Variants in DOCK3 observed in about 807,000 individuals in gnomAD.
DOCK3 encodes dedicator of cytokinesis 3.
DOCK3 carries 60 observed loss-of-function variants against 265.6 expected under a neutral mutation model. That is an observed-to-expected ratio of 0.23 (90% CI 0.18 to 0.28). DOCK3 has a LOEUF of 0.28. Among genes scored for constraint, DOCK3 ranks in the 10% least tolerant of loss-of-function variants. The pLI is 1.00. For missense variants in DOCK3, 1,981 were observed against 2,594.3 expected, an observed-to-expected ratio of 0.76 and a Z score of 5.14; for synonymous variants, 881 against 938.0, an observed-to-expected ratio of 0.94 and a Z score of 1.11.
rs184409684 is a variant in DOCK3, at chr3:50,874,580, C to G, written c.163-15446C>G. On this transcript the variant is annotated intron_variant, in intron 3 of 52. Transcript: ENST00000266037. ...ATATTAATTATTCCAATCCATGAAT[C>G]TGGCATACCTTTCCATTTATTTTGT... Among the ~76,000 whole-genome samples, 603 of 151,224 alleles carry G rather than the reference C, an allele frequency of 4.0e-3. 4 individuals are homozygous for G. The highest frequency in any genetic ancestry group is 6.9e-3 in the Non-Finnish European group (467 of 67,852).
intron 9 of DOCK3, among the ~76,000 whole-genome samples, chr3:51,090,877 A>T (rs1042436188): frequency 6.6e-6 from 1 of 152,206 alleles, no homozygotes; most frequent in African/African-American, 2.4e-5. Flanking sequence ...TTCTTGTGTT[A>T]GGAGTGCTTT....
At chr3:51,336,129 A>G (rs1272513092) in intron 35 of DOCK3, among the ~76,000 whole-genome samples, 2 of 152,218 alleles carry the variant, frequency 1.3e-5, no homozygotes, top group Non-Finnish European at 2.9e-5. Flanking sequence ...TAATCAATAG[A>G]TTGTACTCTA....
At chr3:51,274,736 A>T (rs2080717187) in intron 24 of DOCK3, among the ~76,000 whole-genome samples, 1 of 152,150 alleles carries the variant, frequency 6.6e-6, no homozygotes, top group African/African-American at 2.4e-5. Context: ...AGCCATGATT[A>T]TGCCCCTGCA....
At chr3:50,705,973 G>GTAAGTT (rs772498263) in intron 1 of DOCK3, among the ~76,000 whole-genome samples, 6 of 152,006 alleles carry the variant, frequency 3.9e-5, no homozygotes, top group Admixed American at 3.9e-4. Context: ...AGAGGTTGCA[G>GTAAGTT]TAAGCCAAGA....
At chr3:50,951,082 G>A (rs1442017101) in intron 5 of DOCK3, among the ~76,000 whole-genome samples, 1 of 151,994 alleles carries the variant, frequency 6.6e-6, no homozygotes, top group Admixed American at 6.6e-5. Flanking sequence ...TTAAGAAGTA[G>A]CCCTCATTTA....
At chr3:51,275,261 C>T in intron 25 of DOCK3, 55 bp downstream of exon 25, 1 of 1,607,712 alleles carries the variant, frequency 6.2e-7, no homozygotes, top group East Asian at 2.2e-5. Context: ...TCTTGTGTTA[C>T]TTTAGCCAGA....
chr3:51,084,141 G>A (rs990546462), intron 7 of DOCK3, among the ~76,000 whole-genome samples: 4 of 151,996 alleles, frequency 2.6e-5, no homozygotes, highest in Admixed American at 6.5e-5. Context: ...ACAAGGAGAA[G>A]GCATGGGCAA....
intron 32 of DOCK3, among the ~76,000 whole-genome samples, chr3:51,322,599 T>C (rs949527687): frequency 1.3e-5 from 2 of 152,142 alleles, no homozygotes; most frequent in South Asian, 4.1e-4. Flanking sequence ...GACAAGCACA[T>C]GTGGAGAGAT....
chr3:51,248,136 T>C (rs531038537), intron 22 of DOCK3, among the ~76,000 whole-genome samples: 1 of 152,274 alleles, frequency 6.6e-6, no homozygotes, highest in East Asian at 1.9e-4. Context: ...TAGGGCTTCA[T>C]AGTACTTTCA....
intron 5 of DOCK3, among the ~76,000 whole-genome samples, chr3:50,979,226 A>G (rs1480709823): frequency 6.6e-6 from 1 of 152,136 alleles, no homozygotes; most frequent in East Asian, 1.9e-4. Flanking sequence ...AGTGTTTTGT[A>G]GTTTCCTTGT....
intron 2 of DOCK3, among the ~76,000 whole-genome samples, chr3:50,838,559 T>A (rs2045645820): frequency 2.6e-5 from 4 of 152,234 alleles, no homozygotes; most frequent in Admixed American, 2.6e-4. Flanking sequence ...GGAGTTTCAC[T>A]TTCTTTGCTA....
chr3:51,339,925 T>C (rs979128198), intron 37 of DOCK3, among the ~76,000 whole-genome samples: 2 of 152,178 alleles, frequency 1.3e-5, no homozygotes, highest in Non-Finnish European at 2.9e-5. Context: ...CTCTAGCCGT[T>C]AGAGAGTGTT....
intron 9 of DOCK3, among the ~76,000 whole-genome samples, chr3:51,137,622 G>A (rs1320604458): frequency 6.6e-6 from 1 of 152,104 alleles, no homozygotes; most frequent in Non-Finnish European, 1.5e-5. Flanking sequence ...AAAAAAGGTA[G>A]TTATCTTAAA....
At chr3:51,283,370 C>T (rs541292728) in intron 27 of DOCK3, among the ~76,000 whole-genome samples, 1 of 152,290 alleles carries the variant, frequency 6.6e-6, no homozygotes, top group East Asian at 1.9e-4. Flanking sequence ...CATGGTTTGG[C>T]TCCTAATTCA....
intron 22 of DOCK3, among the ~76,000 whole-genome samples, chr3:51,250,476 G>A (rs1364186913): frequency 1.3e-5 from 2 of 151,892 alleles, no homozygotes; most frequent in Non-Finnish European, 2.9e-5. Context: ...TAAATTAACC[G>A]GGCATGGTGG....
At chr3:51,156,497 C>G (rs906880885) in intron 10 of DOCK3, among the ~76,000 whole-genome samples, 2 of 152,152 alleles carry the variant, frequency 1.3e-5, no homozygotes, top group African/African-American at 4.8e-5. Context: ...GGTGCTTAGT[C>G]TTGAAGAATA....
At chr3:51,043,362 C>G (rs376331811) in intron 5 of DOCK3, among the ~76,000 whole-genome samples, 34 of 152,256 alleles carry the variant, frequency 2.2e-4, no homozygotes, top group Non-Finnish European at 2.9e-4. Context: ...ATAAATGGTG[C>G]TGGGATAACT....
intron 22 of DOCK3, among the ~76,000 whole-genome samples, chr3:51,253,873 C>A (rs1283653988): frequency 2.0e-5 from 3 of 151,926 alleles, no homozygotes; most frequent in African/African-American, 7.3e-5. Context: ...TTCAGTTCTG[C>A]TCTTAGTTAT....
chr3:51,049,814 C>T (rs1360631323), intron 5 of DOCK3, among the ~76,000 whole-genome samples: 1 of 139,604 alleles, frequency 7.2e-6, no homozygotes, highest in Non-Finnish European at 1.5e-5. Context: ...CACACACACA[C>T]ACACACACAC....
Sources: gnomAD v4.1 joint callset for allele counts (sites outside exome capture counted in the v4.1 genomes callset) on GRCh38, gnomAD v4.1.1 for gene constraint, MANE v1.5 for transcripts, NCBI Gene and HGNC (gene_info 2026-07-23, HGNC 2026-07-21) for gene names.